Variants in GRIN3A observed in about 807,000 individuals in gnomAD.
GRIN3A encodes glutamate ionotropic receptor NMDA type subunit 3A.
GRIN3A carries 47 observed loss-of-function variants against 92.4 expected under a neutral mutation model. The ratio of observed to expected loss-of-function variants is 0.51; its 90% CI spans 0.40 to 0.65. The LOEUF (loss-of-function observed/expected upper bound fraction) is 0.65. Among genes scored for constraint, GRIN3A ranks in the 30% least tolerant of loss-of-function variants. GRIN3A has a pLI of 0.00. For synonymous variants in GRIN3A, 527 were observed against 540.6 expected (o/e 0.97, Z 0.35); for missense variants, 1,324 against 1,393.1 (o/e 0.95, Z 0.79).
At position 101,579,362 on chromosome 9, in the gene GRIN3A, T is replaced by C. The variant is rs1377828751; in HGVS notation, c.2767-2A>G. 6.2e-7 allele frequency: 1 copy of C among 1,613,816 alleles called. No homozygotes were observed. The highest frequency in any genetic ancestry group is 2.2e-5 in the East Asian group (1 of 44,862). ...GTGTTTGATGCCCATTTGCAAAGTC[T>C]GTGACAGAATAGGAAAGAAAAGGCC... On this transcript the variant is annotated splice_acceptor_variant, in intron 6 of 8. Coordinates refer to ENST00000361820, the MANE Select transcript of GRIN3A (RefSeq NM_133445.3). LOFTEE classifies it high-confidence loss of function.
chr9:101,675,522 G>C (rs1029775964), intron 2 of GRIN3A, among the ~76,000 whole-genome samples: 12 of 151,908 alleles, frequency 7.9e-5, no homozygotes, highest in South Asian at 2.1e-4. Context: ...CTATGTGCCA[G>C]GCACTGTCCT....
At chr9:101,701,572 T>G (rs1829754167) in intron 1 of GRIN3A, among the ~76,000 whole-genome samples, 1 of 151,856 alleles carries the variant, frequency 6.6e-6, no homozygotes, top group Non-Finnish European at 1.5e-5. Context: ...ACGAAAACCC[T>G]AGGAAAACAA....
intron 1 of GRIN3A, among the ~76,000 whole-genome samples, chr9:101,718,424 T>C (rs1369142029): frequency 1.3e-5 from 2 of 152,206 alleles, no homozygotes; most frequent in African/African-American, 2.4e-5. Context: ...AACATGTGCA[T>C]ATGCTTGGAA....
chr9:101,728,041 A>T (rs1830099792), intron 1 of GRIN3A, among the ~76,000 whole-genome samples: 1 of 152,026 alleles, frequency 6.6e-6, no homozygotes, highest in Admixed American at 6.6e-5. Context: ...CCATTATTAC[A>T]TTTACAATAT....
intron 3 of GRIN3A, among the ~76,000 whole-genome samples, chr9:101,649,274 C>A (rs1332133316): frequency 2.3e-4 from 30 of 131,280 alleles, no homozygotes; most frequent in Non-Finnish European, 2.4e-4. Flanking sequence ...TTTGGGCCTC[C>A]CTGCCTATTG....
At chr9:101,692,103 T>C (rs1361653348) in intron 1 of GRIN3A, among the ~76,000 whole-genome samples, 1 of 152,204 alleles carries the variant, frequency 6.6e-6, no homozygotes, top group East Asian at 1.9e-4. Context: ...TTTTCTTTGC[T>C]TTTGCTCCTT....
At chr9:101,735,007 C>A (rs1020859002) in intron 1 of GRIN3A, among the ~76,000 whole-genome samples, 8 of 151,784 alleles carry the variant, frequency 5.3e-5, no homozygotes, top group Admixed American at 3.3e-4. Context: ...AGAGGAAGGT[C>A]CACTTTTCCA....
At chr9:101,722,212 G>T (rs1830021915) in intron 1 of GRIN3A, among the ~76,000 whole-genome samples, 2 of 152,256 alleles carry the variant, frequency 1.3e-5, no homozygotes, top group South Asian at 4.1e-4. Flanking sequence ...CCAAGCCTTA[G>T]CAGCTTCCAT....
intron 6 of GRIN3A, among the ~76,000 whole-genome samples, chr9:101,596,838 C>T (rs1430961830): frequency 6.6e-6 from 1 of 152,150 alleles, no homozygotes; most frequent in African/African-American, 2.4e-5. Flanking sequence ...GGTGAGGATC[C>T]CACTGGGTTT....
At chr9:101,595,856 A>G (rs774295848) in intron 6 of GRIN3A, among the ~76,000 whole-genome samples, 3 of 152,172 alleles carry the variant, frequency 2.0e-5, no homozygotes, top group African/African-American at 4.8e-5. Flanking sequence ...AAGGTCTGCA[A>G]TGTGCCCAAA....
intron 1 of GRIN3A, among the ~76,000 whole-genome samples, chr9:101,732,904 A>G (rs959578370): frequency 1.1e-4 from 16 of 152,186 alleles, no homozygotes; most frequent in Admixed American, 4.6e-4. Flanking sequence ...CCAAAATTAC[A>G]TGGCTAGTGA....
intron 2 of GRIN3A, among the ~76,000 whole-genome samples, chr9:101,680,622 CCAAA>C (rs1829455663): frequency 6.6e-6 from 1 of 152,038 alleles, no homozygotes; most frequent in South Asian, 2.1e-4. Flanking sequence ...AGAATAATAA[CCAAA>C]CAGCCAGGTC....
intron 2 of GRIN3A, among the ~76,000 whole-genome samples, chr9:101,685,308 C>CTTTTTTTT (rs35028586): frequency 1.7e-5 from 2 of 115,230 alleles, no homozygotes; most frequent in Non-Finnish European, 1.8e-5. Flanking sequence ...TTTATCATGT[C>CTTTTTTTT]TTTTTTTTTT....
chr9:101,655,497 T>C (rs1223063753), intron 3 of GRIN3A, among the ~76,000 whole-genome samples: 2 of 151,988 alleles, frequency 1.3e-5, no homozygotes, highest in Non-Finnish European at 2.9e-5. Context: ...ACTCTCAAAA[T>C]GCTGAGCAAA....
intron 6 of GRIN3A, among the ~76,000 whole-genome samples, chr9:101,585,621 G>C (rs1220288612): frequency 6.6e-6 from 1 of 152,098 alleles, no homozygotes; most frequent in Non-Finnish European, 1.5e-5. Context: ...TCTTTCTCTA[G>C]CATCCCATTA....
At chr9:101,698,427 C>T (rs1320111973) in intron 1 of GRIN3A, among the ~76,000 whole-genome samples, 3 of 152,104 alleles carry the variant, frequency 2.0e-5, no homozygotes, top group South Asian at 2.1e-4. Context: ...TTATTACAGT[C>T]GTGCGTCACT....
intron 6 of GRIN3A, chr9:101,595,024 G>C: frequency 7.2e-7 from 1 of 1,396,982 alleles, no homozygotes; most frequent in Non-Finnish European, 9.6e-7. Context: ...CATGGGGTGG[G>C]GGTAGAGGGC....
chr9:101,723,105 A>G (rs928754035), intron 1 of GRIN3A, among the ~76,000 whole-genome samples: 3 of 152,180 alleles, frequency 2.0e-5, no homozygotes, highest in African/African-American at 7.2e-5. Context: ...AGTCTTTCCC[A>G]TGCTATTCTC....
intron 1 of GRIN3A, among the ~76,000 whole-genome samples, chr9:101,726,847 G>T (rs1186031717): frequency 1.3e-5 from 2 of 151,978 alleles, no homozygotes; most frequent in Non-Finnish European, 2.9e-5. Flanking sequence ...TGATTCATGT[G>T]CTTGAGAAAC....
Sources: gnomAD v4.1 joint callset for allele counts (sites outside exome capture counted in the v4.1 genomes callset) on GRCh38, gnomAD v4.1.1 for gene constraint, MANE v1.5 for transcripts, NCBI Gene and HGNC (gene_info 2026-07-23, HGNC 2026-07-21) for gene names.